Variants in ASTN2 observed in about 807,000 individuals in gnomAD.
ASTN2 encodes the protein astrotactin 2, also known as astrotactin-2.
ASTN2 carries 54 observed loss-of-function variants against 139.8 expected under a neutral mutation model. The ratio of observed to expected loss-of-function variants is 0.39; its 90% CI spans 0.31 to 0.48. The LOEUF is 0.48. Ranked by LOEUF, ASTN2 falls within the 20% of genes least tolerant of loss-of-function variation. The pLI, the probability that ASTN2 is intolerant of heterozygous loss-of-function variation, is 0.95. For synonymous variants in ASTN2, 756 were observed against 719.5 expected (o/e 1.05, Z -0.81); for missense variants, 1,565 against 1,725.1 (o/e 0.91, Z 1.64).
At chr9:117,105,930 C>T (rs886911594) in intron 4 of ASTN2, among the ~76,000 whole-genome samples, 2 of 152,114 alleles carry the variant, frequency 1.3e-5, no homozygotes, top group African/African-American at 2.4e-5. Context: ...GATGAGGACA[C>T]AGAGGGTCAG....
chr9:116,531,303 G>A (rs1851332859), intron 19 of ASTN2, among the ~76,000 whole-genome samples: 1 of 152,134 alleles, frequency 6.6e-6, no homozygotes, highest in South Asian at 2.1e-4. Context: ...TATGGCAATA[G>A]GGCATAATCA....
chr9:116,867,777 C>G (rs1447754671), intron 10 of ASTN2, among the ~76,000 whole-genome samples: 1 of 152,104 alleles, frequency 6.6e-6, no homozygotes, highest in Non-Finnish European at 1.5e-5. Context: ...ACTTAAAACA[C>G]AAAGACCTGA....
At position 116,623,608 on chromosome 9, in the gene ASTN2, C is replaced by T. The variant is rs1400346925; in HGVS notation, c.3073-3165G>A. On this transcript the variant is annotated intron_variant, in intron 17 of 22. Coordinates refer to ENST00000313400, the MANE Select transcript of ASTN2 (RefSeq NM_001365068.1). ...ACTCTGTAAATCATGTAACCTAATC[C>T]GTTTCACAGATGCAGATACAGTGAC... Among the ~76,000 whole-genome samples, 7 of 152,082 alleles carry T rather than the reference C, an allele frequency of 4.6e-5. No homozygotes were observed. The East Asian group carries it at 7.7e-4, about 17-fold the overall frequency.
chr9:117,336,057 GAAAAA>G (rs35679249), intron 1 of ASTN2, among the ~76,000 whole-genome samples: 1 of 104,926 alleles, frequency 9.5e-6, no homozygotes, highest in Non-Finnish European at 1.9e-5. Context: ...GTCTGGAAAG[GAAAAA>G]AAAAAAAAAA....
chr9:116,433,448 C>A (rs992005973), intron 22 of ASTN2, among the ~76,000 whole-genome samples: 1 of 152,228 alleles, frequency 6.6e-6, no homozygotes, highest in Admixed American at 6.5e-5. Flanking sequence ...TATCTGTATA[C>A]AGAAATACAT....
intron 22 of ASTN2, among the ~76,000 whole-genome samples, chr9:116,435,453 T>C (rs1045677133): frequency 6.6e-6 from 1 of 152,244 alleles, no homozygotes; most frequent in Non-Finnish European, 1.5e-5. Flanking sequence ...ACAAGAACCA[T>C]CATGATCTGT....
intron 2 of ASTN2, among the ~76,000 whole-genome samples, chr9:117,273,816 A>C (rs911735757): frequency 1.3e-5 from 2 of 152,176 alleles, no homozygotes; most frequent in African/African-American, 2.4e-5. Flanking sequence ...TTAATTCCTA[A>C]ACAAAGACTG....
intron 2 of ASTN2, among the ~76,000 whole-genome samples, chr9:117,266,428 TTAGG>T (rs1833940378): frequency 6.6e-6 from 1 of 152,026 alleles, no homozygotes; most frequent in South Asian, 2.1e-4. Flanking sequence ...AATTGGCAAG[TTAGG>T]TGTTACTGCT....
chr9:116,769,972 T>C (rs1829913338), intron 13 of ASTN2, among the ~76,000 whole-genome samples: 2 of 151,710 alleles, frequency 1.3e-5, no homozygotes, highest in Non-Finnish European at 2.9e-5. Flanking sequence ...GTTTGGTGAG[T>C]AATAATTGTG....
intron 1 of ASTN2, among the ~76,000 whole-genome samples, chr9:117,342,045 C>G (rs1829077100): frequency 6.6e-6 from 1 of 152,162 alleles, no homozygotes; most frequent in South Asian, 2.1e-4. Context: ...AGGTGAGGAC[C>G]TGGTCAAATA....
rs993542375 is a variant in ASTN2, at chr9:116,698,414, G to C, written c.2806+27357C>G. ...CCAATAGTCAAGTGGTAGAGGAGCA[G>C]AGTTACCTGCTTAACATTGCAGAGG... On this transcript the variant is annotated intron_variant, in intron 16 of 22. Coordinates refer to ENST00000313400, the MANE Select transcript of ASTN2 (RefSeq NM_001365068.1). This position sits in a 1 kb window ranked among gnomAD's most constrained non-coding sequence, Gnocchi z 4.4. The C allele has an allele frequency of 1.2e-6, 2 of 1,614,010 alleles. No individual in the cohort carries two copies. The highest frequency in any genetic ancestry group is 1.7e-6 in the Non-Finnish European group (2 of 1,180,036).
At chr9:116,537,635 G>A (rs1851699645) in intron 19 of ASTN2, among the ~76,000 whole-genome samples, 2 of 152,172 alleles carry the variant, frequency 1.3e-5, no homozygotes, top group African/African-American at 4.8e-5. Context: ...GTATCTCTTA[G>A]AGAAAATTTT....
In ASTN2 at chr9:116,586,839, C is replaced by CACACACAT. The variant is rs1554717140; in HGVS notation, c.3355+31484_3355+31485insATGTGTGT. ...ACACACACACACATACATACACACACACACACACACACACACACACACGTA... is the reference window on the plus strand; with the variant it reads ...ACACACACACACATACATACACACACACACACATACACACACACACACACACACACGTA... On this transcript the variant is annotated intron_variant, in intron 19 of 22. Coordinates refer to ENST00000313400, the MANE Select transcript of ASTN2 (RefSeq NM_001365068.1). Among the ~76,000 whole-genome samples, 80 of 149,444 alleles carry CACACACAT rather than the reference C, an allele frequency of 5.4e-4. 4 individuals are homozygous for CACACACAT. In the South Asian group the frequency reaches 0.012, roughly 23 times the overall value.
chr9:117,162,860 C>T (rs970718344), intron 3 of ASTN2, among the ~76,000 whole-genome samples: 5 of 151,974 alleles, frequency 3.3e-5, no homozygotes, highest in African/African-American at 1.2e-4. Context: ...TTATTGGATT[C>T]ATAGAATGAG....
chr9:116,804,182 C>G (rs1564276640), intron 13 of ASTN2, among the ~76,000 whole-genome samples: 1 of 152,094 alleles, frequency 6.6e-6, no homozygotes, highest in East Asian at 1.9e-4. Flanking sequence ...CATCTCCATT[C>G]TCATTCTGTA....
chr9:116,505,044 A>G (rs546730475), intron 19 of ASTN2, among the ~76,000 whole-genome samples: 6 of 152,204 alleles, frequency 3.9e-5, no homozygotes, highest in African/African-American at 1.4e-4. Flanking sequence ...CTGAGATTTG[A>G]CTATTATGAG....
rs960986183 is a variant in ASTN2, at chr9:116,976,720, C to G, written c.1657G>C (p.Asp553His). 1.5e-5 allele frequency: 25 copies of G among 1,614,002 alleles called. No homozygotes were observed. The highest frequency in any genetic ancestry group is 2.0e-5 in the Non-Finnish European group (24 of 1,179,980). Reference sequence around the variant, plus strand: ...ACTCACCCTTCACTCTGTCCCCAGTCACTGCGCACACACAGGTGTCTGTGA... The same window carrying G: ...ACTCACCCTTCACTCTGTCCCCAGTGACTGCGCACACACAGGTGTCTGTGA... ...PVHRHLCVRS[D>H]WGQSEGPWPY... Residue 553 changes from aspartate (D) to histidine (H), a missense_variant, in exon 8 of 23, where the codon GAC becomes CAC. By Grantham distance (81) the Asp-to-His change is moderately conservative. Coordinates refer to ENST00000313400, the MANE Select transcript of ASTN2 (RefSeq NM_001365068.1).
intron 16 of ASTN2, among the ~76,000 whole-genome samples, chr9:116,671,769 A>G (rs1185583610): frequency 1.3e-5 from 2 of 152,228 alleles, no homozygotes; most frequent in Admixed American, 6.5e-5. Context: ...AAAGCCAGCA[A>G]GGAACTGAGG....
intron 1 of ASTN2, among the ~76,000 whole-genome samples, chr9:117,293,844 C>T (rs542588529): frequency 6.6e-6 from 1 of 152,358 alleles, no homozygotes; most frequent in South Asian, 2.1e-4. Flanking sequence ...GAAAGCTGCA[C>T]TAGAAATAGC....
Sources: allele counts gnomAD v4.1 joint callset (sites outside exome capture counted in the v4.1 genomes callset), GRCh38; gene constraint gnomAD v4.1.1; non-coding constraint Gnocchi (gnomAD v3.1); transcripts MANE v1.5; gene names NCBI Gene and HGNC (gene_info 2026-07-23, HGNC 2026-07-21).